The following FBXO11 variants were observed in gnomAD, a reference collection of about 807,000 sequenced individuals.
FBXO11 encodes the protein F-box protein 11.
FBXO11 carries 13 observed loss-of-function variants against 117.0 expected under a neutral mutation model. That is an observed-to-expected ratio of 0.11 (90% confidence interval 0.07 to 0.18). FBXO11 has a LOEUF of 0.18. FBXO11 is among the 10% of genes least tolerant of loss of function. The pLI is 1.00. For synonymous variants in FBXO11, 490 were observed against 380.5 expected (o/e 1.29, Z -3.35); for missense variants, 767 against 1,164.4 (o/e 0.66, Z 4.97).
chr2:47,823,608 C>G (rs969225012), intron 11 of FBXO11, among the ~76,000 whole-genome samples: 3 of 151,916 alleles, frequency 2.0e-5, no homozygotes, highest in Non-Finnish European at 2.9e-5. Context: ...CAAAAATTAG[C>G]TGGGTGTGGT....
intron 1 of FBXO11, among the ~76,000 whole-genome samples, chr2:47,843,361 G>A (rs1673157519): frequency 6.6e-6 from 1 of 151,860 alleles, no homozygotes; most frequent in Non-Finnish European, 1.5e-5. Context: ...TTTTGTTGAG[G>A]GTGGTGGTGG....
intron 1 of FBXO11, among the ~76,000 whole-genome samples, chr2:47,879,415 A>T (rs889601297): frequency 6.6e-6 from 1 of 152,234 alleles, no homozygotes; most frequent in African/African-American, 2.4e-5. Flanking sequence ...AAAGCTTCAC[A>T]ACCAATGGAG....
chr2:47,903,193 TTTA>T (rs1382049781), intron 1 of FBXO11, among the ~76,000 whole-genome samples: 2 of 152,294 alleles, frequency 1.3e-5, no homozygotes, highest in South Asian at 4.1e-4. Flanking sequence ...TGGCAACATC[TTTA>T]TTATTTTAGT....
chr2:47,897,756 T>A (rs941703456), intron 1 of FBXO11, among the ~76,000 whole-genome samples: 1 of 151,264 alleles, frequency 6.6e-6, no homozygotes, highest in African/African-American at 2.4e-5. Flanking sequence ...AACAAAGATT[T>A]TGCCACAATT....
chr2:47,873,884 A>G (rs1675802584), intron 1 of FBXO11, among the ~76,000 whole-genome samples: 1 of 152,162 alleles, frequency 6.6e-6, no homozygotes, highest in Non-Finnish European at 1.5e-5. Flanking sequence ...TGCTTTGAGT[A>G]TAACTATTGT....
chr2:47,806,926 T>A lies in FBXO11; in HGVS notation c.*1192A>T. On this transcript the variant is annotated 3_prime_UTR_variant, in exon 23 of 23. Transcript: ENST00000403359. ...GTGGTAAATTCAGACAACATTATGA[T>A]CTAATAAACTTTATTTTTTAAAAAT... is the stretch of plus-strand genomic sequence containing the variant. The A allele has an allele frequency of 8.6e-7, 1 of 1,169,218 alleles. No homozygotes were observed. The highest frequency in any genetic ancestry group is 1.3e-6 in the Non-Finnish European group (1 of 788,398). 72.4% of individuals were successfully genotyped at this position (1,169,218 alleles called of 1,614,324 possible).
At chr2:47,864,980 G>A (rs1482213766) in intron 1 of FBXO11, among the ~76,000 whole-genome samples, 1 of 152,136 alleles carries the variant, frequency 6.6e-6, no homozygotes, top group South Asian at 2.1e-4. Flanking sequence ...AAACACCTGG[G>A]CGCTTGTTAG....
At chr2:47,842,293 C>T (rs1005909153) in intron 1 of FBXO11, among the ~76,000 whole-genome samples, 2 of 152,118 alleles carry the variant, frequency 1.3e-5, no homozygotes, top group Non-Finnish European at 2.9e-5. Context: ...GGATTACAGG[C>T]GTGAGCCACC....
At chr2:47,891,266 C>G (rs779195025) in intron 1 of FBXO11, among the ~76,000 whole-genome samples, 1 of 152,174 alleles carries the variant, frequency 6.6e-6, no homozygotes, top group East Asian at 1.9e-4. Context: ...TGCCTGCTGA[C>G]TAGTAACTCC....
At chr2:47,905,239 G>A (rs1163712847) in intron 1 of FBXO11, 1 of 255,110 alleles carries the variant, frequency 3.9e-6, no homozygotes, top group Non-Finnish European at 7.3e-6. Context: ...GGAGGGTGCT[G>A]AGCCCCCGAA....
At chr2:47,828,959 G>T (rs925179863) in intron 11 of FBXO11, among the ~76,000 whole-genome samples, 7 of 152,022 alleles carry the variant, frequency 4.6e-5, no homozygotes, top group African/African-American at 1.7e-4. Flanking sequence ...CTGTCGCCCA[G>T]GCTGGAGTGC....
chr2:47,855,904 G>A (rs1221084478), intron 1 of FBXO11, among the ~76,000 whole-genome samples: 5 of 151,036 alleles, frequency 3.3e-5, no homozygotes, highest in Admixed American at 2.6e-4. Context: ...TGCCTGGTAA[G>A]ATATAGATGA....
At chr2:47,901,179 ATGTGGG>A (rs1678272239) in intron 1 of FBXO11, among the ~76,000 whole-genome samples, 1 of 143,526 alleles carries the variant, frequency 7.0e-6, no homozygotes, top group African/African-American at 2.5e-5. Context: ...ATGTATATAT[ATGTGGG>A]TACATATATA....
At chr2:47,840,856 A>G (rs1001682580) in intron 1 of FBXO11, among the ~76,000 whole-genome samples, 1 of 151,192 alleles carries the variant, frequency 6.6e-6, no homozygotes, top group Non-Finnish European at 1.5e-5. Context: ...TAAAAATTAA[A>G]AAAAAAAAAA....
intron 11 of FBXO11, among the ~76,000 whole-genome samples, chr2:47,828,240 C>G (rs1215206102): frequency 6.6e-6 from 1 of 152,110 alleles, no homozygotes; most frequent in African/African-American, 2.4e-5. Flanking sequence ...CTCAACCTCC[C>G]GAAGTGCTGG....
intron 1 of FBXO11, among the ~76,000 whole-genome samples, chr2:47,884,781 T>C (rs1216005687): frequency 1.3e-5 from 2 of 152,196 alleles, no homozygotes; most frequent in Non-Finnish European, 2.9e-5. Flanking sequence ...TAAAACTTCA[T>C]TCTGGCTGTT....
intron 1 of FBXO11, among the ~76,000 whole-genome samples, chr2:47,887,872 C>A (rs766084385): frequency 9.9e-5 from 15 of 151,902 alleles, no homozygotes; most frequent in Non-Finnish European, 1.9e-4. Flanking sequence ...AACCCATTAG[C>A]GGGCTTGGAG....
In FBXO11 at chr2:47,839,092, G is replaced by C. The variant is rs7557108; in HGVS notation, c.443-89C>G. 1,315 of 1,344,064 alleles carry C rather than the reference G, an allele frequency of 9.8e-4. 10 individuals carry two copies. In the African/African-American group the frequency reaches 0.018, roughly 18 times the overall value. The allele number at this position is 1,344,064 out of a possible 1,614,324, so 83.3% of individuals were successfully genotyped here. On this transcript the variant is annotated intron_variant, in intron 3 of 22. Transcript: ENST00000403359. ...CAGTTTTCATTTTATCTAATGAATA[G>C]CTTTTTTTTTTTGGATAATGGTCAT...
intron 21 of FBXO11, 186 bp from the exon 22 acceptor site, chr2:47,808,613 C>T (rs934721871): frequency 9.8e-6 from 5 of 508,034 alleles, no homozygotes; most frequent in Non-Finnish European, 1.0e-5. Context: ...TCATCTGTGT[C>T]TTCGGAGGGA....
Sources: gnomAD v4.1 joint callset for allele counts (sites outside exome capture counted in the v4.1 genomes callset) on GRCh38, gnomAD v4.1.1 for gene constraint, MANE v1.5 for transcripts, NCBI Gene and HGNC (gene_info 2026-07-23, HGNC 2026-07-21) for gene names.